Variants in NXPE2 observed in about 807,000 individuals in gnomAD.
NXPE2 encodes the protein NXPE family member 2.
In NXPE2, 34 loss-of-function variants were observed where a neutral mutation model predicts 34.4. The ratio of observed to expected loss-of-function variants is 0.99; its 90% CI spans 0.75 to 1.31. The LOEUF (loss-of-function observed/expected upper bound fraction) is 1.31, where lower values mean the gene tolerates loss of function less well. Among genes scored for constraint, NXPE2 ranks in the 40% most tolerant of loss-of-function variants. The pLI, the probability that NXPE2 is intolerant of heterozygous loss-of-function variation, is 0.00. For synonymous variants in NXPE2, 235 were observed against 231.3 expected, an observed-to-expected ratio of 1.02 and a Z score of -0.15; for missense variants, 649 against 672.5, an observed-to-expected ratio of 0.97 and a Z score of 0.39.
chr11:114,660,292 T>G, the NXPE2 span, among the ~76,000 whole-genome samples: 1 of 152,018 alleles, frequency 6.6e-6, no homozygotes, highest in Non-Finnish European at 1.5e-5. Context: ...TGCAATTCAT[T>G]TTATGAGAAA....
the NXPE2 span, among the ~76,000 whole-genome samples, chr11:114,540,913 G>A: frequency 8.1e-6 from 1 of 123,472 alleles, no homozygotes; most frequent in Non-Finnish European, 1.6e-5. Flanking sequence ...AGCAGAGTCT[G>A]CAGCAACACA....
the NXPE2 span, among the ~76,000 whole-genome samples, chr11:114,666,317 C>T: frequency 6.6e-6 from 1 of 152,104 alleles, no homozygotes; most frequent in Non-Finnish European, 1.5e-5. Context: ...AGGCCAGTTC[C>T]AGGGCCTCCT....
chr11:114,610,001 C>T, the NXPE2 span, among the ~76,000 whole-genome samples: 1 of 151,272 alleles, frequency 6.6e-6, no homozygotes, highest in African/African-American at 2.4e-5. Flanking sequence ...ACCACTGTTA[C>T]CTGGTAGATA....
the NXPE2 span, among the ~76,000 whole-genome samples, chr11:114,786,257 G>A: frequency 2.6e-5 from 4 of 151,970 alleles, no homozygotes; most frequent in South Asian, 2.1e-4. Context: ...TCAGTAATGC[G>A]TTTTCAAATC....
At chr11:114,634,690 G>A in the NXPE2 span, among the ~76,000 whole-genome samples, 34 of 151,866 alleles carry the variant, frequency 2.2e-4, no homozygotes, top group African/African-American at 7.7e-4. Flanking sequence ...ATCGCTAGTT[G>A]GTTTTCCCAG....
the NXPE2 span, among the ~76,000 whole-genome samples, chr11:114,757,412 T>A: frequency 6.6e-6 from 1 of 151,924 alleles, no homozygotes; most frequent in Non-Finnish European, 1.5e-5. Context: ...TCTGTTTTGG[T>A]GACATTTCTA....
chr11:114,710,330 C>A (rs1278157285), downstream of NXPE2, among the ~76,000 whole-genome samples: 5 of 151,650 alleles, frequency 3.3e-5, no homozygotes, highest in Admixed American at 1.3e-4. Flanking sequence ...TCAAAAAGAT[C>A]AAAAATTTAA....
chr11:114,551,345 GCTAA>G, the NXPE2 span: 5 of 1,401,208 alleles, frequency 3.6e-6, no homozygotes, highest in Non-Finnish European at 4.7e-6. Flanking sequence ...CTTTCCCTCT[GCTAA>G]CTAACAACTC....
At chr11:114,602,640 TATA>T in the NXPE2 span, among the ~76,000 whole-genome samples, 10 of 141,676 alleles carry the variant, frequency 7.1e-5, no homozygotes, top group East Asian at 4.2e-4. Context: ...TAGATTCATA[TATA>T]ATAATTTTCT....
the NXPE2 span, among the ~76,000 whole-genome samples, chr11:114,809,664 C>T: frequency 1.4e-5 from 2 of 146,818 alleles, no homozygotes; most frequent in Non-Finnish European, 3.0e-5. Flanking sequence ...AGGAGAACTA[C>T]AAACCACTGC....
At chr11:114,631,523 T>A in the NXPE2 span, among the ~76,000 whole-genome samples, 1 of 80,044 alleles carries the variant, frequency 1.2e-5, no homozygotes, top group Non-Finnish European at 2.3e-5. Context: ...GGGACTGTTG[T>A]GGGGTGGGGG....
At chr11:114,622,354 G>T in the NXPE2 span, among the ~76,000 whole-genome samples, 6 of 152,166 alleles carry the variant, frequency 3.9e-5, no homozygotes, top group Non-Finnish European at 7.4e-5. Context: ...GTTGCCTCGT[G>T]GGTAACCACT....
chr11:114,521,251 A>G, the NXPE2 span, among the ~76,000 whole-genome samples: 1 of 152,192 alleles, frequency 6.6e-6, no homozygotes, highest in Non-Finnish European at 1.5e-5. Flanking sequence ...CTTACGACAC[A>G]TGAGAGATTT....
chr11:114,710,662 T>C (rs1859595227), downstream of NXPE2, among the ~76,000 whole-genome samples: 1 of 151,818 alleles, frequency 6.6e-6, no homozygotes, highest in South Asian at 2.1e-4. Context: ...CAGTGGAGAA[T>C]TCTACTAAAC....
chr11:114,705,905 T>C lies in NXPE2; in HGVS notation c.1053T>C (p.Asn351=), dbSNP rs1250263831. 1 of 1,541,846 alleles carries C rather than the reference T, an allele frequency of 6.5e-7. No homozygotes were observed. Among genetic ancestry groups the C allele is most frequent in the Admixed American group, 2.0e-5 (1 of 49,018 alleles). ...CKQIKFNETK[N]INDCLERKLI... Reference sequence around the variant, plus strand: ...AGATCAAGTTCAATGAAACAAAAAATATAAATGACTGCTTGGAAAGAAAAC... The same window carrying C: ...AGATCAAGTTCAATGAAACAAAAAACATAAATGACTGCTTGGAAAGAAAAC... The change falls in exon 5 of 6, where the codon AAT becomes AAC. Residue 351 remains asparagine (N), a synonymous_variant. Transcript: ENST00000389586.
the NXPE2 span, among the ~76,000 whole-genome samples, chr11:114,660,819 C>T: frequency 6.6e-6 from 1 of 151,962 alleles, no homozygotes; most frequent in Non-Finnish European, 1.5e-5. Context: ...ATTTTCACAG[C>T]CAATATGATT....
the NXPE2 span, chr11:114,551,211 C>A: frequency 5.3e-6 from 8 of 1,520,420 alleles, no homozygotes; most frequent in Middle Eastern, 1.7e-4. Context: ...TGACGAATGT[C>A]CTAGGAGAGA....
chr11:114,640,884 T>G, the NXPE2 span, among the ~76,000 whole-genome samples: 1 of 152,068 alleles, frequency 6.6e-6, no homozygotes, highest in South Asian at 2.1e-4. Context: ...GTTACAAATA[T>G]TTTCTCTCAT....
At chr11:114,664,789 G>A in the NXPE2 span, among the ~76,000 whole-genome samples, 149 of 152,236 alleles carry the variant, frequency 9.8e-4, no homozygotes, top group African/African-American at 3.5e-3. Flanking sequence ...TCTCTTGGGA[G>A]GCAGGGCAGC....
Sources: allele counts gnomAD v4.1 joint callset (sites outside exome capture counted in the v4.1 genomes callset), GRCh38; gene constraint gnomAD v4.1.1; transcripts MANE v1.5; gene names NCBI Gene and HGNC (gene_info 2026-07-23, HGNC 2026-07-21).